The following KCNH5 variants were observed in gnomAD, a reference collection of about 807,000 sequenced individuals.
KCNH5 encodes voltage-gated delayed rectifier potassium channel KCNH5.
A neutral mutation model predicts 96.1 loss-of-function variants in KCNH5; 46 were observed. That is an observed-to-expected ratio of 0.48 (90% CI 0.38 to 0.61). KCNH5 has a LOEUF of 0.61. Among genes scored for constraint, KCNH5 ranks in the 20% least tolerant of loss-of-function variants. KCNH5 has a pLI of 0.00. For missense variants in KCNH5, 907 were observed against 1,225.8 expected (o/e 0.74, Z 3.88); for synonymous variants, 439 against 449.8 (o/e 0.98, Z 0.30).
At chr14:62,933,306 A>G (rs1889615093) in intron 7 of KCNH5, among the ~76,000 whole-genome samples, 1 of 152,200 alleles carries the variant, frequency 6.6e-6, no homozygotes, top group Non-Finnish European at 1.5e-5. Context: ...TGTACAGGAA[A>G]ATAATCACAG....
At chr14:62,935,597 C>T (rs1434593956) in intron 7 of KCNH5, among the ~76,000 whole-genome samples, 3 of 152,158 alleles carry the variant, frequency 2.0e-5, no homozygotes, top group Non-Finnish European at 4.4e-5. Flanking sequence ...TTCCTCTTGG[C>T]ATCATTACCT....
intron 10 of KCNH5, among the ~76,000 whole-genome samples, chr14:62,736,040 G>C (rs925700015): frequency 6.6e-6 from 1 of 152,188 alleles, no homozygotes; most frequent in African/African-American, 2.4e-5. Context: ...CTTGATTTCA[G>C]GCTTTAAGGC....
At chr14:62,805,181 T>C (rs71422981) in intron 8 of KCNH5, among the ~76,000 whole-genome samples, 1 of 152,148 alleles carries the variant, frequency 6.6e-6, no homozygotes, top group South Asian at 2.1e-4. Context: ...ACTTTCATTG[T>C]TTTCTATTCA....
intron 6 of KCNH5, among the ~76,000 whole-genome samples, chr14:62,978,264 G>A (rs138639700): frequency 6.6e-6 from 1 of 152,322 alleles, no homozygotes; most frequent in African/African-American, 2.4e-5. Flanking sequence ...GAGTCGAGAA[G>A]AGATGGTAAC....
chr14:62,991,464 A>T (rs1364293785), intron 4 of KCNH5, among the ~76,000 whole-genome samples: 2 of 152,000 alleles, frequency 1.3e-5, no homozygotes, highest in Non-Finnish European at 2.9e-5. Context: ...CAGAAGAGAG[A>T]AATTTAGGAG....
chr14:63,010,637 C>T (rs1057181025), intron 2 of KCNH5, among the ~76,000 whole-genome samples: 1 of 152,142 alleles, frequency 6.6e-6, no homozygotes, highest in Non-Finnish European at 1.5e-5. Context: ...TAGGCCATAC[C>T]CAGCTCGCCT....
At chr14:62,722,300 T>C (rs2042667124) in intron 10 of KCNH5, among the ~76,000 whole-genome samples, 1 of 152,144 alleles carries the variant, frequency 6.6e-6, no homozygotes, top group Non-Finnish European at 1.5e-5. Context: ...CTTGGGAACA[T>C]TAAAATAAAA....
At chr14:62,838,834 C>T (rs551068680) in intron 8 of KCNH5, among the ~76,000 whole-genome samples, 1 of 152,190 alleles carries the variant, frequency 6.6e-6, no homozygotes, top group South Asian at 2.1e-4. Flanking sequence ...AAAGAGTAAA[C>T]ATTAAACATG....
At chr14:62,886,119 A>AGGAC (rs1300847370) in intron 7 of KCNH5, among the ~76,000 whole-genome samples, 2 of 68,934 alleles carry the variant, frequency 2.9e-5, no homozygotes, top group African/African-American at 6.0e-5. Flanking sequence ...GCACCTGCAG[A>AGGAC]GGACACACAC....
chr14:62,744,829 T>G (rs1414605431), intron 10 of KCNH5, among the ~76,000 whole-genome samples: 1 of 152,122 alleles, frequency 6.6e-6, no homozygotes, highest in Non-Finnish European at 1.5e-5. Context: ...ACAGCAGGAA[T>G]TTTTTTACAC....
intron 10 of KCNH5, among the ~76,000 whole-genome samples, chr14:62,731,202 G>A (rs552822321): frequency 6.6e-6 from 1 of 152,134 alleles, no homozygotes; most frequent in Admixed American, 6.5e-5. Context: ...TTGGGAGGCT[G>A]AAGCTGGAGA....
At chr14:62,847,123 A>G (rs373961277) in intron 8 of KCNH5, among the ~76,000 whole-genome samples, 1 of 147,304 alleles carries the variant, frequency 6.8e-6, no homozygotes, top group East Asian at 2.0e-4. Context: ...TTATTATTGT[A>G]TTTTAAAATT....
intron 6 of KCNH5, among the ~76,000 whole-genome samples, chr14:62,968,022 T>G (rs1890335240): frequency 6.6e-6 from 1 of 152,210 alleles, no homozygotes; most frequent in Admixed American, 6.5e-5. Context: ...TTCCCTCAGT[T>G]AGACAGACTG....
intron 7 of KCNH5, among the ~76,000 whole-genome samples, chr14:62,865,945 A>G (rs1352639654): frequency 1.3e-5 from 2 of 152,200 alleles, no homozygotes; most frequent in Non-Finnish European, 2.9e-5. Context: ...GATCTTTTAA[A>G]GAGCAATCAT....
chr14:62,912,742 T>C (rs1380826902), intron 7 of KCNH5, among the ~76,000 whole-genome samples: 1 of 152,168 alleles, frequency 6.6e-6, no homozygotes, highest in Non-Finnish European at 1.5e-5. Context: ...CTAAAAGCAA[T>C]GTTCCACACA....
chr14:62,754,572 T>C (rs1464563497), intron 10 of KCNH5, among the ~76,000 whole-genome samples: 1 of 151,320 alleles, frequency 6.6e-6, no homozygotes, highest in Non-Finnish European at 1.5e-5. Context: ...TTCATACAAA[T>C]GGAAAATAAA....
chr14:63,022,547 C>A (rs1891448784), intron 1 of KCNH5, among the ~76,000 whole-genome samples: 1 of 152,120 alleles, frequency 6.6e-6, no homozygotes, highest in Non-Finnish European at 1.5e-5. Flanking sequence ...GACCCAAATC[C>A]TTTCCATGGC....
In KCNH5 at chr14:62,950,342, C is replaced by T. The variant is rs759194713; in HGVS notation, c.1160G>A (p.Ser387Asn). The change falls in exon 7 of 11, where the codon AGT becomes AAT. Residue 387 changes from serine (S) to asparagine (N), a missense_variant. Coordinates refer to ENST00000322893, the MANE Select transcript of KCNH5 (RefSeq NM_139318.5). ...GCTCAAAGCCAGCTGGTAGAGCCAA[C>T]TGTCTATTTGGATGGTGTTAGTGAC... ...DEVTNTIQID[S>N]WLYQLALSIG... 3 of 1,613,904 alleles carry T rather than the reference C, an allele frequency of 1.9e-6. No homozygotes were observed. The highest frequency in any genetic ancestry group is 2.7e-5 in the African/African-American group (2 of 74,898).
At chr14:62,934,372 T>C (rs1314783167) in intron 7 of KCNH5, among the ~76,000 whole-genome samples, 2 of 152,208 alleles carry the variant, frequency 1.3e-5, no homozygotes, top group African/African-American at 2.4e-5. Context: ...CCTGACCTTG[T>C]GTTGCCCTCT....
Sources: allele counts gnomAD v4.1 joint callset (sites outside exome capture counted in the v4.1 genomes callset), GRCh38; gene constraint gnomAD v4.1.1; transcripts MANE v1.5; gene names NCBI Gene and HGNC (gene_info 2026-07-23, HGNC 2026-07-21).